DNAH9: variants seen among roughly 807,000 people sequenced by gnomAD.
The protein encoded by DNAH9 is DNAH9 variant protein.
In DNAH9, 345 loss-of-function variants were observed where a neutral mutation model predicts 471.6. That is an observed-to-expected ratio of 0.73 (90% confidence interval 0.67 to 0.80). The LOEUF is 0.80. Among genes scored for constraint, DNAH9 ranks in the 30% least tolerant of loss-of-function variants. The pLI is 0.00. For missense variants in DNAH9, 5,407 were observed against 5,609.2 expected (o/e 0.96, Z 1.15); for synonymous variants, 2,093 against 2,123.6 (o/e 0.99, Z 0.40).
intron 14 of DNAH9, among the ~76,000 whole-genome samples, chr17:11,658,660 AG>A (rs1471396417): frequency 2.6e-5 from 4 of 152,166 alleles, no homozygotes; most frequent in African/African-American, 9.7e-5. Flanking sequence ...TGTCAGACCC[AG>A]GAAGACCCCT....
At chr17:11,837,859 A>C (rs1302847909) in intron 49 of DNAH9, among the ~76,000 whole-genome samples, 2 of 152,138 alleles carry the variant, frequency 1.3e-5, no homozygotes, top group African/African-American at 2.4e-5. Flanking sequence ...CAAATGTTCC[A>C]AGCACAGTCT....
At chr17:11,966,829 G>A (rs557293575) in intron 68 of DNAH9, among the ~76,000 whole-genome samples, 3 of 151,888 alleles carry the variant, frequency 2.0e-5, no homozygotes, top group Non-Finnish European at 4.4e-5. Flanking sequence ...GGGAGGATGA[G>A]GTGGTTGGAT....
intron 50 of DNAH9, 43 bp downstream of exon 50, chr17:11,854,471 A>G (rs543254334): frequency 2.5e-5 from 39 of 1,564,242 alleles, no homozygotes; most frequent in South Asian, 2.4e-4. Flanking sequence ...TCCGCCTCCA[A>G]TACAAACAAC....
In DNAH9 at chr17:11,762,779, T is replaced by TG. The variant is rs1418890919; in HGVS notation, c.6996-661_6996-660insG. Among the ~76,000 whole-genome samples the TG allele has an allele frequency of 3.6e-3, 333 of 93,132 alleles. 6 individuals carry two copies. The highest frequency in any genetic ancestry group is 8.1e-3 in the South Asian group (23 of 2,854). The allele number at this position is 93,132 out of a possible 152,430, so 61.1% of individuals were successfully genotyped here. On this transcript the variant is annotated intron_variant, in intron 35 of 68. Transcript: ENST00000262442. ...GTGCGTTTTTTTTTTTGTTTTTTTT[T>TG]TTTTTTTTTTTTTTTTTTGAGATGG...
intron 27 of DNAH9, among the ~76,000 whole-genome samples, chr17:11,720,317 T>C (rs1040608291): frequency 1.3e-5 from 2 of 152,166 alleles, no homozygotes; most frequent in African/African-American, 2.4e-5. Flanking sequence ...GTTACATATG[T>C]ATACATGTGC....
chr17:11,924,008 A>T, intron 62 of DNAH9, 67 bp downstream of exon 62: 1 of 1,572,096 alleles, frequency 6.4e-7, no homozygotes, highest in Non-Finnish European at 8.7e-7. Flanking sequence ...CTCACTGGGC[A>T]TCTCCATCCA....
In DNAH9 at chr17:11,897,777, G is replaced by A. The variant is rs191312623; in HGVS notation, c.11406+3281G>A. On this transcript the variant is annotated intron_variant, in intron 59 of 68. Transcript: ENST00000262442. The stretch of plus-strand genomic sequence containing the variant: ...TTTCTTAGAAGGCTGTGTAAGACAC[G>A]GAGTAAATGCTAAACCAATGGAAGC... Among the ~76,000 whole-genome samples the A allele has an allele frequency of 1.0e-3, 159 of 152,302 alleles. 1 individual carries two copies. The highest frequency in any genetic ancestry group is 1.0e-3 in the Non-Finnish European group (70 of 68,028).
chr17:11,711,462 A>G (rs1407968915), intron 26 of DNAH9, among the ~76,000 whole-genome samples: 1 of 152,110 alleles, frequency 6.6e-6, no homozygotes, highest in African/African-American at 2.4e-5. Flanking sequence ...TGAAGTTCTA[A>G]GTTCATCAGT....
At chr17:11,891,302 A>C (rs1973041823) in intron 57 of DNAH9, among the ~76,000 whole-genome samples, 1 of 152,224 alleles carries the variant, frequency 6.6e-6, no homozygotes, top group Non-Finnish European at 1.5e-5. Flanking sequence ...AGATAATAGC[A>C]TGTTTTCTCG....
rs11870983 is a variant in DNAH9, at chr17:11,822,469, A to G, written c.8882A>G (p.Lys2961Arg). ...VTLCFSPVGNKLRVRSRKFPA... is the reference protein window; with the variant it reads ...VTLCFSPVGNRLRVRSRKFPA... ...CTCTGTTTCTCCCCTGTGGGAAACA[A>G]GCTAAGAGTCCGCAGCAGGAAGTTC... is the stretch of plus-strand genomic sequence containing the variant. Residue 2961 changes from lysine to arginine, a missense_variant, in exon 47 of 69, where the codon AAG (lysine) becomes AGG (arginine). This residue lies in a region of DNAH9 where 4,636 missense variants were observed against 4,900.3 expected (regional missense o/e 0.95). Transcript: ENST00000262442. 9.5e-3 allele frequency: 15,381 copies of G among 1,614,094 alleles called. 1,211 individuals are homozygous for G. In the African/African-American group the frequency reaches 0.18, roughly 19 times the overall value.
chr17:11,731,646 G>A (rs980478300), intron 28 of DNAH9, among the ~76,000 whole-genome samples: 10 of 148,496 alleles, frequency 6.7e-5, no homozygotes, highest in African/African-American at 1.5e-4. Context: ...GAGAACATGC[G>A]GTGTTTGGTT....
chr17:11,818,051 C>T (rs1408564016), intron 45 of DNAH9, among the ~76,000 whole-genome samples: 1 of 152,182 alleles, frequency 6.6e-6, no homozygotes, highest in Admixed American at 6.5e-5. Flanking sequence ...GCTTCAATGA[C>T]TGATACAATC....
chr17:11,692,388 GA>G (rs1462135972), intron 20 of DNAH9, among the ~76,000 whole-genome samples: 1 of 152,180 alleles, frequency 6.6e-6, no homozygotes, highest in Non-Finnish European at 1.5e-5. Flanking sequence ...GTATTTGGCT[GA>G]AGCTAATTGC....
intron 26 of DNAH9, among the ~76,000 whole-genome samples, chr17:11,707,668 C>T (rs1379476107): frequency 1.3e-5 from 2 of 152,106 alleles, no homozygotes; most frequent in Non-Finnish European, 2.9e-5. Flanking sequence ...TCACTGTCTC[C>T]AGTGGCTCTC....
At chr17:11,801,850 T>C (rs1017272975) in intron 43 of DNAH9, among the ~76,000 whole-genome samples, 1 of 152,230 alleles carries the variant, frequency 6.6e-6, no homozygotes, top group African/African-American at 2.4e-5. Context: ...ATTCCATCAA[T>C]GTGGCTTCCA....
intron 22 of DNAH9, among the ~76,000 whole-genome samples, chr17:11,694,656 C>CTT (rs2074405535): frequency 2.9e-4 from 2 of 6,812 alleles, no homozygotes; most frequent in Non-Finnish European, 7.3e-4. Context: ...CTCGCTTTCT[C>CTT]GCTTTCTCGC....
rs534696717 is a variant in DNAH9, at chr17:11,745,361, C to G, written c.6399+277C>G. Among the ~76,000 whole-genome samples the G allele has an allele frequency of 3.3e-5, 5 of 152,236 alleles. No homozygotes were observed. The East Asian group carries it at 9.7e-4, about 29-fold the overall frequency. On this transcript the variant is annotated intron_variant, in intron 31 of 68. Transcript: ENST00000262442. ...GAATGCCAACTATCTGCTCACTCAC[C>G]CATAAATGAAAGGACAAAGACAGAG...
At position 11,600,922 on chromosome 17, in the gene DNAH9, G is replaced by A. The variant is rs566252743; in HGVS notation, c.417+2007G>A. On this transcript the variant is annotated intron_variant, in intron 1 of 68. Transcript: ENST00000262442. The stretch of plus-strand genomic sequence containing the variant: ...TGCAACACATCCTCAGAACTGCCCC[G>A]TCCAGCATCACTGAAACTCCACACA... Among the ~76,000 whole-genome samples the A allele has an allele frequency of 5.3e-5, 8 of 152,200 alleles. 1 individual carries two copies. The highest frequency in any genetic ancestry group is 1.2e-4 in the African/African-American group (5 of 41,522).
At position 11,969,447 on chromosome 17, in the gene DNAH9, G is replaced by C. The variant is rs374555272; in HGVS notation, c.13381G>C (p.Val4461Leu). ...GACTAGTCAGCGGGGACCCACCTACGTGTGGACTTTCAACCTGAAGACTAA... is the reference window on the plus strand; with the variant it reads ...GACTAGTCAGCGGGGACCCACCTACCTGTGGACTTTCAACCTGAAGACTAA... ...YKTSQRGPTY[V>L]WTFNLKTKEN... The change falls in exon 69 of 69, where the codon GTG becomes CTG. Residue 4461 changes from valine (V) to leucine (L), a missense_variant. Val to Leu is a conservative substitution (Grantham distance 32). This residue lies in a region of DNAH9 where 4,636 missense variants were observed against 4,900.3 expected (regional missense o/e 0.95). Coordinates refer to ENST00000262442, the MANE Select transcript of DNAH9 (RefSeq NM_001372.4). 6.2e-7 allele frequency: 1 copy of C among 1,613,914 alleles called. No homozygotes were observed. Among genetic ancestry groups the C allele is most frequent in the Non-Finnish European group, 8.5e-7 (1 of 1,179,996 alleles).
Sources: gnomAD v4.1 joint callset for allele counts (sites outside exome capture counted in the v4.1 genomes callset) on GRCh38, gnomAD v4.1.1 for gene constraint, gnomAD v4.1.1 regional missense constraint, MANE v1.5 for transcripts, NCBI Gene and HGNC (gene_info 2026-07-23, HGNC 2026-07-21) for gene names.